The following GPSM1 variants were observed in gnomAD, a reference collection of about 807,000 sequenced individuals.
GPSM1 encodes the protein G protein-signaling modulator 1.
Under a neutral mutation model 70.5 loss-of-function variants are expected in GPSM1, and 48 were observed. That is an observed-to-expected ratio of 0.68 (90% CI 0.54 to 0.87). The LOEUF is 0.87. Among genes scored for constraint, GPSM1 ranks in the 40% least tolerant of loss-of-function variants. GPSM1 has a pLI of 0.00. For missense variants in GPSM1, 981 were observed against 972.6 expected, an observed-to-expected ratio of 1.01 and a Z score of -0.11; for synonymous variants, 416 against 430.1, an observed-to-expected ratio of 0.97 and a Z score of 0.41.
Position 136,358,404 on chromosome 9 carries a change from C to A in GPSM1, c.*184C>A. ...CGTGGTGGGAGGGCGTGCTTCCATC[C>A]CGGGCTGGCCCCCATGGCCCTCAGC... is the stretch of plus-strand genomic sequence containing the variant. On this transcript the variant is annotated 3_prime_UTR_variant, in exon 14 of 14. Transcript: ENST00000440944. 1.6e-6 allele frequency: 1 copy of A among 611,544 alleles called. No homozygotes were observed. The highest frequency in any genetic ancestry group is 2.8e-6 in the Non-Finnish European group (1 of 357,578). The allele number at this position is 611,544 out of a possible 1,614,324, so 37.9% of individuals were successfully genotyped here.
intron 6 of GPSM1, 68 bp downstream of exon 6, chr9:136,338,029 T>C: frequency 9.9e-7 from 1 of 1,014,032 alleles, no homozygotes; most frequent in Non-Finnish European, 1.5e-6. Flanking sequence ...GCCAAGGAAG[T>C]GCCCGCCCCA....
intron 11 of GPSM1, among the ~76,000 whole-genome samples, chr9:136,354,403 G>A (rs537395411): frequency 4.6e-5 from 7 of 152,310 alleles, no homozygotes; most frequent in Middle Eastern, 3.4e-3. Flanking sequence ...CCGTCTCCTG[G>A]GCTGTGGGGG....
At chr9:136,329,161 G>T (rs782807858) in intron 1 of GPSM1, among the ~76,000 whole-genome samples, 2 of 152,146 alleles carry the variant, frequency 1.3e-5, no homozygotes, top group Non-Finnish European at 2.9e-5. Flanking sequence ...AGTGCTCAGG[G>T]GGACCACTCA....
At position 136,358,277 on chromosome 9, in the gene GPSM1, A is replaced by T; in HGVS notation, c.*57A>T. On this transcript the variant is annotated 3_prime_UTR_variant, in exon 14 of 14. Coordinates refer to ENST00000440944, the MANE Select transcript of GPSM1 (RefSeq NM_001145638.3). ...CCCCACTCCTGGACGCCGGTCTCACAGTCACAGCCACGTCCTCCCGAGGCC... is the reference window on the plus strand; with the variant it reads ...CCCCACTCCTGGACGCCGGTCTCACTGTCACAGCCACGTCCTCCCGAGGCC... 1 of 1,406,224 alleles carries T rather than the reference A, an allele frequency of 7.1e-7. No homozygotes were observed. Among genetic ancestry groups the T allele is most frequent in the Non-Finnish European group, 9.7e-7 (1 of 1,033,212 alleles). The allele number at this position is 1,406,224 out of a possible 1,614,324, so 87.1% of individuals were successfully genotyped here. A position where few individuals can be genotyped will look rare whatever the true frequency, so the allele number is the denominator to read the frequency against.
chr9:136,331,907 G>C, intron 1 of GPSM1: 2 of 397,552 alleles, frequency 5.0e-6, no homozygotes, highest in Non-Finnish European at 8.9e-6. Flanking sequence ...CCATCCTGGA[G>C]GTCAGAGGGC....
At chr9:136,355,607 T>C (rs943054780) in intron 11 of GPSM1, 83 bp from the exon 12 acceptor site, 6 of 1,310,510 alleles carry the variant, frequency 4.6e-6, no homozygotes, top group Middle Eastern at 1.9e-4. Flanking sequence ...CAGAAGTGTG[T>C]GTGGCCTGGG....
rs932410020 is a variant in GPSM1 at position 136,356,924 on chromosome 9, G to A, written c.1821+374G>A. On this transcript the variant is annotated intron_variant, in intron 13 of 13. Coordinates refer to ENST00000440944, the MANE Select transcript of GPSM1 (RefSeq NM_001145638.3). Reference sequence around the variant, plus strand: ...CACCCGGCAGGGAAAACACGGGCCAGATAGCACCCCCAGAGTGGGGAGGGC... The same window carrying A: ...CACCCGGCAGGGAAAACACGGGCCAAATAGCACCCCCAGAGTGGGGAGGGC... Among the ~76,000 whole-genome samples the A allele has an allele frequency of 4.6e-5, 7 of 152,326 alleles. No homozygotes were observed. The East Asian group carries it at 1.2e-3, about 25-fold the overall frequency.
intron 3 of GPSM1, among the ~76,000 whole-genome samples, chr9:136,336,392 C>A (rs1554769252): frequency 6.6e-6 from 1 of 152,210 alleles, no homozygotes; most frequent in Non-Finnish European, 1.5e-5. Context: ...CACTCACTCC[C>A]TGGGGGGCCC....
In GPSM1 at chr9:136,341,070, G is replaced by A. The variant is rs781895632; in HGVS notation, c.1207+77G>A. 23 of 1,551,042 alleles carry A rather than the reference G, an allele frequency of 1.5e-5. No individual in the cohort carries two copies. The South Asian group carries it at 2.4e-4, about 16-fold the overall frequency. ...TCAGGAGCTGCGGAGGGGTGGGATC[G>A]AGGCCAGGCCAGCATGGCGGAGGTG... On this transcript the variant is annotated intron_variant, in intron 9 of 13. Coordinates refer to ENST00000440944, the MANE Select transcript of GPSM1 (RefSeq NM_001145638.3). This position sits in a 1 kb window ranked among gnomAD's most constrained non-coding sequence, Gnocchi z 6.7.
Position 136,335,948 on chromosome 9 carries a change from C to A in GPSM1, c.291-18C>A, listed in dbSNP as rs1832222787. ...GACCAGTCCTCAGCCTGACCCCTCA[C>A]TCCTCCCTGCCATCCAGGACCATCG... is the stretch of plus-strand genomic sequence containing the variant. On this transcript the variant is annotated intron_variant, in intron 2 of 13. Coordinates refer to ENST00000440944, the MANE Select transcript of GPSM1 (RefSeq NM_001145638.3). The A allele has an allele frequency of 6.2e-7, 1 of 1,610,540 alleles. No individual in the cohort carries two copies. Among genetic ancestry groups the A allele is most frequent in the Non-Finnish European group, 8.5e-7 (1 of 1,178,940 alleles).
intron 10 of GPSM1, 37 bp downstream of exon 10, chr9:136,348,804 G>T (rs375164852): frequency 2.0e-6 from 3 of 1,504,656 alleles, no homozygotes; most frequent in South Asian, 2.3e-5. Context: ...CAGCACAGCC[G>T]CTGCCAGAGC....
chr9:136,358,865 C>T lies in GPSM1; in HGVS notation c.*645C>T, dbSNP rs1434558193. On this transcript the variant is annotated 3_prime_UTR_variant, in exon 14 of 14. Transcript: ENST00000440944. The stretch of plus-strand genomic sequence containing the variant: ...TGCAGGGGCCTCGACAGGAGCCGGG[C>T]CTATCTCTAAAGCAGAGGGAATGGC... 6.5e-6 allele frequency: 1 copy of T among 153,480 alleles called. No individual in the cohort carries two copies. The highest frequency in any genetic ancestry group is 2.4e-5 in the African/African-American group (1 of 41,466). The allele number at this position is 153,480 out of a possible 1,614,324, so 9.5% of individuals were successfully genotyped here.
chr9:136,348,757 C>A lies in GPSM1; in HGVS notation c.1268C>A (p.Pro423His). The A allele has an allele frequency of 6.2e-7, 1 of 1,611,304 alleles. No homozygotes were observed. Among genetic ancestry groups the A allele is most frequent in the Non-Finnish European group, 8.5e-7 (1 of 1,178,792 alleles). Residue 423 changes from proline (P) to histidine (H), a missense_variant, in exon 10 of 14, where the codon CCC becomes CAC. By Grantham distance (77) the Pro-to-His change is moderately conservative (BLOSUM62 -2). Transcript: ENST00000440944. ...GAGACCTGGGACCTGCTGAGACTCC[C>A]CCTGGAGCGGGTGAGCCAGGGACAC... The part of the protein sequence containing the change: ...SAETWDLLRL[P>H]LEREQNGDSH...
At position 136,334,488 on chromosome 9, in the gene GPSM1, G is replaced by A. The variant is rs376811098; in HGVS notation, c.110G>A (p.Arg37His). 3.4e-5 allele frequency: 55 copies of A among 1,612,964 alleles called. No individual in the cohort carries two copies. The African/African-American group carries it at 6.0e-4, about 18-fold the overall frequency. ...SCLELALEGE[R>H]LCKAGDFKTG... ...CTAGAGCTGGCGCTGGAGGGCGAGC[G>A]TCTGTGCAAGGCGGGCGACTTCAAG... The change falls in exon 2 of 14, where the codon CGT becomes CAT. Residue 37 changes from arginine (R) to histidine (H), a missense_variant. Transcript: ENST00000440944.
rs541048987 is a variant in GPSM1 at position 136,336,161 on chromosome 9, C to T, written c.426+60C>T. On this transcript the variant is annotated intron_variant, in intron 3 of 13. Transcript: ENST00000440944. ...CCCTGCACCGGCCTGCGTCCAGATC[C>T]GGGATAGGGGCGGGCGGGTGACTCA... is the stretch of plus-strand genomic sequence containing the variant. 57 of 1,559,158 alleles carry T rather than the reference C, an allele frequency of 3.7e-5. 1 individual carries two copies. The African/African-American group carries it at 4.0e-4, about 11-fold the overall frequency.
chr9:136,333,580 G>A (rs797043116), intron 1 of GPSM1, among the ~76,000 whole-genome samples: 9 of 152,340 alleles, frequency 5.9e-5, no homozygotes, highest in African/African-American at 1.7e-4. Flanking sequence ...GTCCCTGCCC[G>A]AAGGTGGGGG....
Position 136,355,714 on chromosome 9 carries a change from G to A in GPSM1, c.1480G>A (p.Asp494Asn). ...RTSIPRAPSSDEECFFDLLTK... is the reference protein window; with the variant it reads ...RTSIPRAPSSNEECFFDLLTK... ...GAGCATCCCGAGGGCCCCGTCTTCG[G>A]ACGAGGAGTGCTTCTTTGACCTGTT... Residue 494 changes from aspartate (D) to asparagine (N), a missense_variant, in exon 12 of 14, where the codon GAC (aspartate) becomes AAC (asparagine). Physicochemically the swap from Asp to Asn is conservative, Grantham distance 23. Transcript: ENST00000440944. 1 of 1,612,414 alleles carries A rather than the reference G, an allele frequency of 6.2e-7. No individual in the cohort carries two copies. The highest frequency in any genetic ancestry group is 8.5e-7 in the Non-Finnish European group (1 of 1,179,566).
At position 136,337,570 on chromosome 9, in the gene GPSM1, C is replaced by T. The variant is rs1443996607; in HGVS notation, c.702+6C>T. 6.4e-7 allele frequency: 1 copy of T among 1,554,928 alleles called. No individual in the cohort carries two copies. The highest frequency in any genetic ancestry group is 1.4e-5 in the African/African-American group (1 of 73,566). ...CCACGACCTTCCACAAGGAGGTGAG[C>T]CGGGCAGGGTGACAGGGTGGAGGGG... On this transcript the variant is annotated splice_donor_region_variant and intron_variant, in intron 5 of 13. Coordinates refer to ENST00000440944, the MANE Select transcript of GPSM1 (RefSeq NM_001145638.3).
At position 136,349,848 on chromosome 9, in the gene GPSM1, C is replaced by T. The variant is rs975793319; in HGVS notation, c.1455+85C>T. On this transcript the variant is annotated intron_variant, in intron 11 of 13. Coordinates refer to ENST00000440944, the MANE Select transcript of GPSM1 (RefSeq NM_001145638.3). ...CAACTCCACTGCCAGCCAACGGGGCCAGGTCAGGCCCGGGCACTCCGGGGA... is the reference window on the plus strand; with the variant it reads ...CAACTCCACTGCCAGCCAACGGGGCTAGGTCAGGCCCGGGCACTCCGGGGA... The T allele has an allele frequency of 1.5e-5, 20 of 1,340,540 alleles. No homozygotes were observed. In the African/African-American group the frequency reaches 2.8e-4, roughly 19 times the overall value. The allele number at this position is 1,340,540 out of a possible 1,614,324, so 83.0% of individuals were successfully genotyped here. A position where few individuals can be genotyped will look rare whatever the true frequency, so the allele number is the denominator to read the frequency against.
Sources: gnomAD v4.1 joint callset for allele counts (sites outside exome capture counted in the v4.1 genomes callset) on GRCh38, gnomAD v4.1.1 for gene constraint, Gnocchi (gnomAD v3.1) non-coding constraint, MANE v1.5 for transcripts, NCBI Gene and HGNC (gene_info 2026-07-23, HGNC 2026-07-21) for gene names.